PARD3B: variants seen among roughly 807,000 people sequenced by gnomAD.
The protein encoded by PARD3B is partitioning defective 3 homolog B.
In PARD3B, 103 loss-of-function variants were observed where a neutral mutation model predicts 130.2. That is an observed-to-expected ratio of 0.79 (90% CI 0.67 to 0.93). The LOEUF is 0.93. Ranked by LOEUF, PARD3B falls within the 40% of genes least tolerant of loss-of-function variation. The pLI, the probability that PARD3B is intolerant of heterozygous loss-of-function variation, is 0.00. For synonymous variants in PARD3B, 583 were observed against 553.2 expected, an observed-to-expected ratio of 1.05 and a Z score of -0.76; for missense variants, 1,609 against 1,499.2, an observed-to-expected ratio of 1.07 and a Z score of -1.21.
chr2:205,071,600 C>T (rs1700732465), intron 4 of PARD3B, among the ~76,000 whole-genome samples: 1 of 152,110 alleles, frequency 6.6e-6, no homozygotes, highest in South Asian at 2.1e-4. Context: ...ATTTATTCTA[C>T]AATGTAAATG....
intron 2 of PARD3B, among the ~76,000 whole-genome samples, chr2:204,733,774 A>G (rs2039624119): frequency 6.6e-6 from 1 of 152,026 alleles, no homozygotes; most frequent in Non-Finnish European, 1.5e-5. Flanking sequence ...TGTCTAGATA[A>G]TTAAGTGGAG....
intron 1 of PARD3B, among the ~76,000 whole-genome samples, chr2:204,634,521 T>A (rs1223102666): frequency 2.0e-5 from 3 of 152,204 alleles, no homozygotes. Flanking sequence ...CTCTTAATTC[T>A]CATTTATATA....
chr2:205,264,647 A>T (rs2040436833), intron 16 of PARD3B, among the ~76,000 whole-genome samples: 1 of 151,174 alleles, frequency 6.6e-6, no homozygotes, highest in South Asian at 2.1e-4. Context: ...TTAAAATGCA[A>T]TTATATGCTT....
intron 10 of PARD3B, among the ~76,000 whole-genome samples, chr2:205,130,993 C>T (rs1412636082): frequency 6.6e-6 from 1 of 152,040 alleles, no homozygotes; most frequent in African/African-American, 2.4e-5. Flanking sequence ...GATGTGGTTC[C>T]AACTCTTTCT....
chr2:205,025,258 G>A (rs1696928985), intron 3 of PARD3B, among the ~76,000 whole-genome samples: 1 of 152,154 alleles, frequency 6.6e-6, no homozygotes, highest in Non-Finnish European at 1.5e-5. Flanking sequence ...GTGATTGCAT[G>A]CTTGTGACTC....
chr2:204,978,186 G>A (rs930319379), intron 3 of PARD3B, among the ~76,000 whole-genome samples: 1 of 152,164 alleles, frequency 6.6e-6, no homozygotes, highest in Admixed American at 6.5e-5. Context: ...AGTGGCATTG[G>A]AGAGAGTAAC....
chr2:204,843,469 A>T (rs2044331090), intron 2 of PARD3B, among the ~76,000 whole-genome samples: 1 of 151,856 alleles, frequency 6.6e-6, no homozygotes, highest in Admixed American at 6.6e-5. Flanking sequence ...GGTTGACTGC[A>T]ACCTCCACCT....
In PARD3B at chr2:204,697,990, T is replaced by C. The variant is rs1281413995; in HGVS notation, c.222+11708T>C. 2.0e-5 allele frequency among the ~76,000 whole-genome samples: 3 copies of C among 152,102 alleles called. No individual in the cohort carries two copies. The East Asian group carries it at 5.8e-4, about 29-fold the overall frequency. ...AATTTTATTTTGTTGTTATGAAGTT[T>C]AGATCCATGGCTGCCATCTAGCTTC... is the stretch of plus-strand genomic sequence containing the variant. On this transcript the variant is annotated intron_variant, in intron 2 of 22. Transcript: ENST00000406610.
chr2:204,657,455 A>G (rs1265165320), intron 1 of PARD3B, among the ~76,000 whole-genome samples: 4 of 152,288 alleles, frequency 2.6e-5, no homozygotes, highest in African/African-American at 9.6e-5. Flanking sequence ...GCAGTGAGCT[A>G]TGATTGCATC....
chr2:204,918,810 G>A (rs2047553063), intron 2 of PARD3B, among the ~76,000 whole-genome samples: 1 of 151,348 alleles, frequency 6.6e-6, no homozygotes, highest in Non-Finnish European at 1.5e-5. Flanking sequence ...TCTGAGTAAT[G>A]TTTAGCCATT....
chr2:204,802,015 T>G (rs888182867), intron 2 of PARD3B, among the ~76,000 whole-genome samples: 20 of 152,206 alleles, frequency 1.3e-4, no homozygotes, highest in African/African-American at 4.8e-4. Flanking sequence ...GTTTATTGAT[T>G]TGCATATGTT....
At chr2:204,938,392 G>C (rs1215289764) in intron 2 of PARD3B, among the ~76,000 whole-genome samples, 1 of 152,160 alleles carries the variant, frequency 6.6e-6, no homozygotes, top group Non-Finnish European at 1.5e-5. Context: ...TGTTCCCTCT[G>C]CGTGGAATTC....
intron 18 of PARD3B, among the ~76,000 whole-genome samples, chr2:205,375,112 C>T (rs1186704488): frequency 1.3e-5 from 2 of 152,118 alleles, no homozygotes; most frequent in Non-Finnish European, 2.9e-5. Flanking sequence ...TCTTTGTTCT[C>T]CAGTACTGTT....
chr2:205,554,552 A>T (rs577308472), intron 22 of PARD3B, among the ~76,000 whole-genome samples: 1 of 152,274 alleles, frequency 6.6e-6, no homozygotes, highest in African/African-American at 2.4e-5. Flanking sequence ...TTTCTTTAAT[A>T]GATGTTGTCT....
intron 2 of PARD3B, among the ~76,000 whole-genome samples, chr2:204,911,407 A>G (rs1436701313): frequency 6.6e-6 from 1 of 152,258 alleles, no homozygotes; most frequent in Non-Finnish European, 1.5e-5. Flanking sequence ...CAAATTGTAT[A>G]GAAAACACTA....
intron 2 of PARD3B, among the ~76,000 whole-genome samples, chr2:204,882,005 T>C (rs937193671): frequency 6.6e-6 from 1 of 152,174 alleles, no homozygotes; most frequent in Admixed American, 6.5e-5. Context: ...CTAAGACACA[T>C]CCTGGCGTCA....
chr2:204,578,726 C>T lies in PARD3B; in HGVS notation c.120+32607C>T, dbSNP rs138231246. On this transcript the variant is annotated intron_variant, in intron 1 of 22. Coordinates refer to ENST00000406610, the MANE Select transcript of PARD3B (RefSeq NM_001302769.2). The stretch of plus-strand genomic sequence containing the variant: ...TTGAAGTCCGGCCTATTCCCCTGAG[C>T]AGTTAAAAGTGTCACCTTTGTCCTG... Among the ~76,000 whole-genome samples, 15 of 152,230 alleles carry T rather than the reference C, an allele frequency of 9.9e-5. No individual in the cohort carries two copies. In the East Asian group the frequency reaches 2.9e-3, roughly 30 times the overall value.
intron 4 of PARD3B, among the ~76,000 whole-genome samples, chr2:205,053,735 T>C (rs1699397682): frequency 6.6e-6 from 1 of 152,052 alleles, no homozygotes; most frequent in Non-Finnish European, 1.5e-5. Context: ...GTAGAAACAC[T>C]GGAACAAAAT....
intron 3 of PARD3B, among the ~76,000 whole-genome samples, chr2:205,044,039 G>A (rs1219535048): frequency 6.8e-6 from 1 of 148,132 alleles, no homozygotes; most frequent in Non-Finnish European, 1.5e-5. Context: ...TCCCACCTAT[G>A]AGTGAGAATA....
Sources: allele counts gnomAD v4.1 joint callset (sites outside exome capture counted in the v4.1 genomes callset), GRCh38; gene constraint gnomAD v4.1.1; transcripts MANE v1.5; gene names NCBI Gene and HGNC (gene_info 2026-07-23, HGNC 2026-07-21).